The following HTR4 variants were observed in gnomAD, a reference collection of about 807,000 sequenced individuals.
HTR4 encodes 5-hydroxytryptamine receptor 4.
HTR4 carries 16 observed loss-of-function variants against 36.8 expected under a neutral mutation model. The ratio of observed to expected loss-of-function variants is 0.43; its 90% confidence interval spans 0.29 to 0.66. The LOEUF (loss-of-function observed/expected upper bound fraction) is 0.66, where lower values mean the gene tolerates loss of function less well. HTR4 is among the 30% of genes least tolerant of loss of function. The pLI, the probability that HTR4 is intolerant of heterozygous loss-of-function variation, is 0.13. For missense variants in HTR4, 438 were observed against 490.9 expected (o/e 0.89, Z 1.02); for synonymous variants, 189 against 185.1 (o/e 1.02, Z -0.17).
At chr5:148,492,553 G>C (rs879891883) in intron 6 of HTR4, among the ~76,000 whole-genome samples, 1 of 152,170 alleles carries the variant, frequency 6.6e-6, no homozygotes, top group East Asian at 1.9e-4. Flanking sequence ...AAAATAACTG[G>C]AGACCTGGAG....
chr5:148,495,405 C>T (rs893912505), intron 6 of HTR4, among the ~76,000 whole-genome samples: 1 of 152,146 alleles, frequency 6.6e-6, no homozygotes, highest in Non-Finnish European at 1.5e-5. Flanking sequence ...CTTTTCTGCC[C>T]TCAGTTATCT....
chr5:148,531,090 T>C (rs1473522839), intron 4 of HTR4, among the ~76,000 whole-genome samples: 4 of 152,340 alleles, frequency 2.6e-5, no homozygotes, highest in Admixed American at 2.6e-4. Context: ...GGACTTGCCT[T>C]GTCTCAGATG....
intron 2 of HTR4, among the ~76,000 whole-genome samples, chr5:148,635,368 G>C (rs762185494): frequency 1.3e-5 from 2 of 152,070 alleles, no homozygotes; most frequent in Non-Finnish European, 2.9e-5. Context: ...TGGATAGAGA[G>C]GGGGAGTGGG....
intron 5 of HTR4, among the ~76,000 whole-genome samples, chr5:148,519,917 CAT>C (rs1757931767): frequency 6.6e-6 from 1 of 152,166 alleles, no homozygotes; most frequent in African/African-American, 2.4e-5. Flanking sequence ...AGAGAAAATA[CAT>C]GTTTTAGATA....
At chr5:148,615,446 T>C (rs1752624172) in intron 2 of HTR4, among the ~76,000 whole-genome samples, 1 of 145,438 alleles carries the variant, frequency 6.9e-6, no homozygotes, top group African/African-American at 2.6e-5. Flanking sequence ...AACCAAACAC[T>C]GCATATTCTC....
chr5:148,615,435 A>T (rs988788029), intron 2 of HTR4, among the ~76,000 whole-genome samples: 8 of 149,778 alleles, frequency 5.3e-5, no homozygotes, highest in African/African-American at 2.5e-5. Context: ...CAAGAACAAA[A>T]AACCAAACAC....
intron 4 of HTR4, among the ~76,000 whole-genome samples, chr5:148,546,469 T>C (rs571587774): frequency 1.3e-5 from 2 of 152,318 alleles, no homozygotes; most frequent in African/African-American, 4.8e-5. Flanking sequence ...AATGACCAAT[T>C]CATCCTGTTT....
chr5:148,539,124 G>T (rs1758980238), intron 4 of HTR4, among the ~76,000 whole-genome samples: 1 of 152,158 alleles, frequency 6.6e-6, no homozygotes, highest in Non-Finnish European at 1.5e-5. Context: ...AGGCAATTGG[G>T]AAAAGATTCC....
intron 2 of HTR4, among the ~76,000 whole-genome samples, chr5:148,573,931 A>T (rs1760781161): frequency 6.6e-6 from 1 of 152,054 alleles, no homozygotes; most frequent in African/African-American, 2.4e-5. Flanking sequence ...CAGAACTAGG[A>T]ATTATGGAAT....
intron 2 of HTR4, among the ~76,000 whole-genome samples, chr5:148,550,651 A>G (rs1759635854): frequency 6.6e-6 from 1 of 152,214 alleles, no homozygotes; most frequent in African/African-American, 2.4e-5. Context: ...GAGCAGCCCA[A>G]TTTGGTCCAA....
chr5:148,554,193 G>A (rs1180729156), intron 2 of HTR4, among the ~76,000 whole-genome samples: 2 of 151,918 alleles, frequency 1.3e-5, no homozygotes, highest in African/African-American at 2.4e-5. Flanking sequence ...CTTCTGCCTC[G>A]GGCTTCCAAG....
chr5:148,547,566 T>TAAAATAAAATAAAATAAAA (rs368015401), intron 4 of HTR4, among the ~76,000 whole-genome samples: 2 of 113,228 alleles, frequency 1.8e-5, no homozygotes, highest in Non-Finnish European at 3.9e-5. Flanking sequence ...TAAAATAAAA[T>TAAAATAAAATAAAATAAAA]AAATAAATAA....
At chr5:148,552,344 T>G (rs569607164) in intron 2 of HTR4, among the ~76,000 whole-genome samples, 1 of 152,192 alleles carries the variant, frequency 6.6e-6, no homozygotes, top group Admixed American at 6.5e-5. Flanking sequence ...AAATATCAGA[T>G]AGGGAAGATT....
intron 6 of HTR4, among the ~76,000 whole-genome samples, chr5:148,496,095 G>A (rs747827259): frequency 1.6e-4 from 25 of 152,054 alleles, no homozygotes; most frequent in East Asian, 3.9e-4. Flanking sequence ...GTGAGACTCC[G>A]CCTCAAAAAA....
At chr5:148,609,535 GGCCCCACTTT>G (rs1752319423) in intron 2 of HTR4, among the ~76,000 whole-genome samples, 2 of 151,836 alleles carry the variant, frequency 1.3e-5, no homozygotes, top group African/African-American at 4.8e-5. Context: ...GGGCATATTA[GGCCCCACTTT>G]TGTATAATGT....
chr5:148,640,837 C>A (rs557581614), intron 1 of HTR4, among the ~76,000 whole-genome samples: 1 of 152,272 alleles, frequency 6.6e-6, no homozygotes, highest in East Asian at 1.9e-4. Context: ...ATTAAAACTG[C>A]ATGTGAAAAT....
At chr5:148,554,834 G>A (rs988682495) in intron 2 of HTR4, among the ~76,000 whole-genome samples, 4 of 151,962 alleles carry the variant, frequency 2.6e-5, no homozygotes, top group African/African-American at 9.7e-5. Flanking sequence ...AGTGTCTGTT[G>A]TTCCCTTCTT....
intron 2 of HTR4, among the ~76,000 whole-genome samples, chr5:148,611,364 G>A (rs543520134): frequency 6.6e-6 from 1 of 151,778 alleles, no homozygotes; most frequent in African/African-American, 2.4e-5. Context: ...GAGAGTGGGG[G>A]CCAATATTCA....
downstream of HTR4, among the ~76,000 whole-genome samples, chr5:148,478,037 G>A (rs1234874501): frequency 6.6e-6 from 1 of 152,080 alleles, no homozygotes; most frequent in African/African-American, 2.4e-5. Context: ...ATGTACATGT[G>A]TCTCCTTGTT....
Sources: allele counts gnomAD v4.1 joint callset (sites outside exome capture counted in the v4.1 genomes callset), GRCh38; gene constraint gnomAD v4.1.1; transcripts MANE v1.5; gene names NCBI Gene and HGNC (gene_info 2026-07-23, HGNC 2026-07-21).